Variants in STPG2 observed in about 807,000 individuals in gnomAD.
STPG2 encodes sperm tail PG-rich repeat containing 2, also known as sperm-tail PG-rich repeat-containing protein 2.
A neutral mutation model predicts 54.2 loss-of-function variants in STPG2; 56 were observed. The observed-to-expected ratio is 1.03, with a 90% CI of 0.83 to 1.29. STPG2 has a LOEUF of 1.29. Ranked by LOEUF, STPG2 falls within the 50% of genes most tolerant of loss-of-function variation. The pLI is 0.00. For synonymous variants in STPG2, 200 were observed against 181.8 expected, an observed-to-expected ratio of 1.10 and a Z score of -0.81; for missense variants, 596 against 544.9, an observed-to-expected ratio of 1.09 and a Z score of -0.93.
chr4:97,936,369 ATT>A (rs1329556999), intron 8 of STPG2, among the ~76,000 whole-genome samples: 1 of 152,110 alleles, frequency 6.6e-6, no homozygotes, highest in Non-Finnish European at 1.5e-5. Context: ...CATTTAGCCT[ATT>A]TACATTTGAG....
At chr4:97,599,043 T>C (rs981355688) in intron 10 of STPG2, among the ~76,000 whole-genome samples, 4 of 152,146 alleles carry the variant, frequency 2.6e-5, no homozygotes, top group Non-Finnish European at 5.9e-5. Flanking sequence ...CCAGCATCTA[T>C]AAGTAACTTA....
chr4:97,496,199 A>G (rs1170477502), intron 4 of STPG2, among the ~76,000 whole-genome samples: 1 of 151,712 alleles, frequency 6.6e-6, no homozygotes, highest in African/African-American at 2.4e-5. Flanking sequence ...CCCCAAAAGT[A>G]TTTTCAATAA....
At chr4:98,086,784 A>T (rs1430284200) in intron 5 of STPG2, among the ~76,000 whole-genome samples, 1 of 151,670 alleles carries the variant, frequency 6.6e-6, no homozygotes, top group South Asian at 2.1e-4. Flanking sequence ...TATTGCAACC[A>T]TCTTATCATA....
At chr4:97,791,007 G>T (rs1326572005) in intron 9 of STPG2, among the ~76,000 whole-genome samples, 1 of 151,996 alleles carries the variant, frequency 6.6e-6, no homozygotes, top group African/African-American at 2.4e-5. Context: ...CCAAACTTTT[G>T]CATACTCTCT....
intron 5 of STPG2, among the ~76,000 whole-genome samples, chr4:98,018,259 C>G (rs1489580360): frequency 6.6e-6 from 1 of 151,606 alleles, no homozygotes; most frequent in Non-Finnish European, 1.5e-5. Flanking sequence ...TGAGGGAGAA[C>G]ATGCGGTGTT....
intron 3 of STPG2, among the ~76,000 whole-genome samples, chr4:98,125,779 CAGTG>C (rs1326199164): frequency 6.6e-6 from 1 of 152,200 alleles, no homozygotes; most frequent in Non-Finnish European, 1.5e-5. Flanking sequence ...AGAGTAAATA[CAGTG>C]CACTGCAGAG....
intron 8 of STPG2, among the ~76,000 whole-genome samples, chr4:97,922,351 C>T (rs1732142059): frequency 6.6e-6 from 1 of 151,884 alleles, no homozygotes; most frequent in Admixed American, 6.6e-5. Flanking sequence ...TTAACAACAA[C>T]CATAAATTTA....
At chr4:97,941,125 C>T (rs938647258) in intron 8 of STPG2, among the ~76,000 whole-genome samples, 1 of 152,060 alleles carries the variant, frequency 6.6e-6, no homozygotes, top group Non-Finnish European at 1.5e-5. Flanking sequence ...AATATTACTT[C>T]ACCATCTCCT....
intron 8 of STPG2, among the ~76,000 whole-genome samples, chr4:97,938,961 C>T (rs770498544): frequency 4.6e-5 from 7 of 151,966 alleles, no homozygotes; most frequent in Non-Finnish European, 1.0e-4. Flanking sequence ...TATGAATTTT[C>T]CTCTTAACAC....
At chr4:97,562,922 G>T (rs1461687700) in intron 10 of STPG2, among the ~76,000 whole-genome samples, 1 of 152,096 alleles carries the variant, frequency 6.6e-6, no homozygotes, top group Non-Finnish European at 1.5e-5. Context: ...TTGTGTCTCT[G>T]CCTGGATTTG....
At chr4:97,457,490 C>G (rs891865878) in intron 4 of STPG2, among the ~76,000 whole-genome samples, 1 of 152,190 alleles carries the variant, frequency 6.6e-6, no homozygotes, top group African/African-American at 2.4e-5. Flanking sequence ...TTTAGCCAAG[C>G]AAATATTTTC....
At chr4:97,995,851 A>C (rs1003065879) in intron 5 of STPG2, among the ~76,000 whole-genome samples, 1 of 152,156 alleles carries the variant, frequency 6.6e-6, no homozygotes, top group African/African-American at 2.4e-5. Flanking sequence ...TGTTGAAGGA[A>C]GGCATGGTGG....
intron 8 of STPG2, among the ~76,000 whole-genome samples, chr4:97,909,775 A>T (rs1475243248): frequency 6.6e-6 from 1 of 152,162 alleles, no homozygotes; most frequent in Non-Finnish European, 1.5e-5. Flanking sequence ...GATAAACTAG[A>T]AATAGAAGCA....
At chr4:97,464,349 C>A (rs1421799500) in intron 4 of STPG2, among the ~76,000 whole-genome samples, 1 of 152,050 alleles carries the variant, frequency 6.6e-6, no homozygotes, top group African/African-American at 2.4e-5. Context: ...TTGGAAGATG[C>A]CAAACTATCT....
chr4:98,033,373 G>A (rs910497464), intron 5 of STPG2, among the ~76,000 whole-genome samples: 8 of 151,646 alleles, frequency 5.3e-5, no homozygotes, highest in East Asian at 3.9e-4. Context: ...ATAAATTTCC[G>A]GACACATACA....
At chr4:97,682,656 T>C (rs1315341358) in intron 10 of STPG2, among the ~76,000 whole-genome samples, 2 of 151,808 alleles carry the variant, frequency 1.3e-5, no homozygotes, top group African/African-American at 4.8e-5. Flanking sequence ...ATTGACTTGG[T>C]AAATTTTAAC....
chr4:98,063,164 A>G (rs895151824), intron 5 of STPG2, among the ~76,000 whole-genome samples: 1 of 152,160 alleles, frequency 6.6e-6, no homozygotes, highest in African/African-American at 2.4e-5. Flanking sequence ...AAAAAAATCA[A>G]TCTAGGCTGG....
At chr4:97,875,899 G>A (rs1317986748) in intron 8 of STPG2, among the ~76,000 whole-genome samples, 1 of 151,782 alleles carries the variant, frequency 6.6e-6, no homozygotes, top group East Asian at 1.9e-4. Flanking sequence ...TTTGTGATGG[G>A]ACATATTAGA....
At chr4:98,031,837 C>T (rs1321782542) in intron 5 of STPG2, among the ~76,000 whole-genome samples, 1 of 152,064 alleles carries the variant, frequency 6.6e-6, no homozygotes, top group East Asian at 1.9e-4. Flanking sequence ...GACTAATATG[C>T]AGAATCTACA....
Sources: gnomAD v4.1 joint callset for allele counts (sites outside exome capture counted in the v4.1 genomes callset) on GRCh38, gnomAD v4.1.1 for gene constraint, MANE v1.5 for transcripts, NCBI Gene and HGNC (gene_info 2026-07-23, HGNC 2026-07-21) for gene names.